The following OSBP2 variants were observed in gnomAD, a reference collection of about 807,000 sequenced individuals.
OSBP2 encodes the protein oxysterol binding protein 2.
Under a neutral mutation model 96.0 loss-of-function variants are expected in OSBP2, and 66 were observed. The ratio of observed to expected loss-of-function variants is 0.69; its 90% CI spans 0.56 to 0.84. The LOEUF is 0.84. OSBP2 is among the 40% of genes least tolerant of loss of function. OSBP2 has a pLI of 0.00. For synonymous variants in OSBP2, 525 were observed against 520.9 expected, an observed-to-expected ratio of 1.01 and a Z score of -0.11; for missense variants, 1,038 against 1,222.7, an observed-to-expected ratio of 0.85 and a Z score of 2.25.
At chr22:30,894,055 A>G in intron 12 of OSBP2, 54 bp downstream of exon 12, 2 of 1,503,344 alleles carry the variant, frequency 1.3e-6, no homozygotes, top group Non-Finnish European at 9.0e-7. Flanking sequence ...GAAGGAGGAC[A>G]GTGGACAGAA....
intron 2 of OSBP2, among the ~76,000 whole-genome samples, chr22:30,847,540 A>G (rs1479776258): frequency 6.6e-6 from 1 of 152,212 alleles, no homozygotes; most frequent in Non-Finnish European, 1.5e-5. Context: ...TCAGCTTCCC[A>G]AAGTGCTGAG....
intron 4 of OSBP2, among the ~76,000 whole-genome samples, chr22:30,887,966 A>G (rs973170113): frequency 6.6e-6 from 1 of 152,192 alleles, no homozygotes; most frequent in African/African-American, 2.4e-5. Flanking sequence ...TGGGCCACAG[A>G]AAGACTGACC....
chr22:30,827,417 G>A (rs1475406249), intron 2 of OSBP2, among the ~76,000 whole-genome samples: 1 of 152,146 alleles, frequency 6.6e-6, no homozygotes, highest in Non-Finnish European at 1.5e-5. Flanking sequence ...ACTTGCTTTT[G>A]GCCTAAGGTG....
At chr22:30,852,277 C>T (rs2147062249) in intron 2 of OSBP2, among the ~76,000 whole-genome samples, 1 of 152,190 alleles carries the variant, frequency 6.6e-6, no homozygotes, top group South Asian at 2.1e-4. Flanking sequence ...GCCAGGGCCA[C>T]CATTTGGACC....
intron 2 of OSBP2, among the ~76,000 whole-genome samples, chr22:30,821,908 C>T (rs1292436067): frequency 1.3e-5 from 2 of 152,254 alleles, no homozygotes; most frequent in African/African-American, 4.8e-5. Context: ...ACTTTGCTAA[C>T]TTACTGGTTA....
At chr22:30,772,006 G>A (rs1042153831) in intron 2 of OSBP2, among the ~76,000 whole-genome samples, 14 of 152,218 alleles carry the variant, frequency 9.2e-5, no homozygotes, top group Non-Finnish European at 1.8e-4. Flanking sequence ...CACATCAGTA[G>A]CCTGCCTTAG....
rs555113945 is a variant in OSBP2 at position 30,753,670 on chromosome 22, A to T, written c.853+12301A>T. ...TGGTCAGCAGCCACCACAGAGCGGGATGATGTGCTTTCCCAAGGATTTTGC... is the reference window on the plus strand; with the variant it reads ...TGGTCAGCAGCCACCACAGAGCGGGTTGATGTGCTTTCCCAAGGATTTTGC... On this transcript the variant is annotated intron_variant, in intron 2 of 13. Transcript: ENST00000332585. 9.2e-5 allele frequency among the ~76,000 whole-genome samples: 14 copies of T among 152,274 alleles called. No individual in the cohort carries two copies. In the East Asian group the frequency reaches 2.7e-3, roughly 29 times the overall value.
chr22:30,835,973 C>A (rs766781094), intron 2 of OSBP2, among the ~76,000 whole-genome samples: 3 of 152,104 alleles, frequency 2.0e-5, no homozygotes, highest in Non-Finnish European at 4.4e-5. Context: ...CCTGCCTTGG[C>A]CTTCCAAATG....
At chr22:30,694,633 G>C (rs1344573701), upstream of OSBP2, among the ~76,000 whole-genome samples, 3 of 178 alleles carry the variant, frequency 0.017, no homozygotes, top group African/African-American at 0.094. Context: ...ATCCCCTTCG[G>C]AGTTGACCGA....
rs186905306 is a variant in OSBP2 at position 30,854,374 on chromosome 22, T to A, written c.854-16055T>A. 1.3e-3 allele frequency among the ~76,000 whole-genome samples: 196 copies of A among 150,948 alleles called. 6 individuals are homozygous for A. In the East Asian group the frequency reaches 0.034, roughly 26 times the overall value. ...CCCAGGCTGGAGTGCAGTGGCATGA[T>A]CTTGGCTCACTGCAACCTCCACCTC... On this transcript the variant is annotated intron_variant, in intron 2 of 13. Transcript: ENST00000332585.
chr22:30,865,735 C>T (rs1602381859), intron 2 of OSBP2, among the ~76,000 whole-genome samples: 1 of 151,988 alleles, frequency 6.6e-6, no homozygotes, highest in East Asian at 1.9e-4. Flanking sequence ...CATGTTAAGT[C>T]CCAGCTCTGC....
intron 2 of OSBP2, among the ~76,000 whole-genome samples, chr22:30,745,242 C>T (rs1344625483): frequency 4.6e-5 from 7 of 151,602 alleles, no homozygotes; most frequent in African/African-American, 1.5e-4. Flanking sequence ...AAAATTATAG[C>T]GCTAAAAGTG....
chr22:30,750,892 C>T (rs1026156860), intron 2 of OSBP2, among the ~76,000 whole-genome samples: 15 of 152,172 alleles, frequency 9.9e-5, no homozygotes, highest in Admixed American at 1.3e-4. Flanking sequence ...TAGGCATGTG[C>T]CACCATGCCT....
rs976909253 is a variant in OSBP2, at chr22:30,788,225, C to T, written c.853+46856C>T. Among the ~76,000 whole-genome samples the T allele has an allele frequency of 9.9e-5, 15 of 152,268 alleles. No homozygotes were observed. In the South Asian group the frequency reaches 1.5e-3, roughly 15 times the overall value. On this transcript the variant is annotated intron_variant, in intron 2 of 13. Coordinates refer to ENST00000332585, the MANE Select transcript of OSBP2 (RefSeq NM_030758.4). ...GGGGACAGTTTGATCAGCTGCAAAG[C>T]GTCTTCTCCTGCTGAGTAGGAAGAG...
chr22:30,889,119 A>G, intron 5 of OSBP2, 58 bp from the exon 6 acceptor site: 1 of 1,478,808 alleles, frequency 6.8e-7, no homozygotes, highest in Admixed American at 1.8e-5. Context: ...AGGATGGGCC[A>G]GGTCCCAAGG....
chr22:30,746,739 G>C (rs2090006254), intron 2 of OSBP2, among the ~76,000 whole-genome samples: 1 of 151,986 alleles, frequency 6.6e-6, no homozygotes, highest in Non-Finnish European at 1.5e-5. Flanking sequence ...TGATCCGCCT[G>C]CCTTGGCCTC....
At chr22:30,778,758 G>A (rs1233893937) in intron 2 of OSBP2, among the ~76,000 whole-genome samples, 1 of 151,958 alleles carries the variant, frequency 6.6e-6, no homozygotes, top group East Asian at 1.9e-4. Flanking sequence ...ATTTATGGCC[G>A]GGCACAGTGG....
chr22:30,731,030 C>T lies in OSBP2; in HGVS notation c.645-10131C>T, dbSNP rs971288320. On this transcript the variant is annotated intron_variant, in intron 1 of 13. Coordinates refer to ENST00000332585, the MANE Select transcript of OSBP2 (RefSeq NM_030758.4). The stretch of plus-strand genomic sequence containing the variant: ...TTTACTAAAGATGCAAAAAATTAGC[C>T]AGGCGTGGTGGCGGGCGCCTATAGT... Among the ~76,000 whole-genome samples the T allele has an allele frequency of 1.9e-4, 29 of 150,272 alleles. 2 individuals carry two copies. The highest frequency in any genetic ancestry group is 3.4e-3 in the Middle Eastern group (1 of 294).
intron 2 of OSBP2, among the ~76,000 whole-genome samples, chr22:30,771,386 C>G (rs2145790276): frequency 6.6e-6 from 1 of 152,304 alleles, no homozygotes; most frequent in East Asian, 1.9e-4. Flanking sequence ...TCCAGAGGCT[C>G]CAGAGGGGCA....
Sources: gnomAD v4.1 joint callset for allele counts (sites outside exome capture counted in the v4.1 genomes callset) on GRCh38, gnomAD v4.1.1 for gene constraint, MANE v1.5 for transcripts, NCBI Gene and HGNC (gene_info 2026-07-23, HGNC 2026-07-21) for gene names.